The following DGUOK variants were observed in gnomAD, a reference collection of about 807,000 sequenced individuals.
DGUOK encodes the protein deoxyguanosine kinase, also known as deoxyguanosine kinase, mitochondrial.
DGUOK carries 30 observed loss-of-function variants against 36.6 expected under a neutral mutation model. The observed-to-expected ratio is 0.82, with a 90% CI of 0.61 to 1.11. The LOEUF is 1.11. DGUOK is among the 50% of genes most tolerant of loss of function. The pLI is 0.00. For missense variants in DGUOK, 361 were observed against 336.4 expected, an observed-to-expected ratio of 1.07 and a Z score of -0.57; for synonymous variants, 145 against 126.3, an observed-to-expected ratio of 1.15 and a Z score of -0.99.
intron 4 of DGUOK, among the ~76,000 whole-genome samples, chr2:73,952,153 C>T (rs974707728): frequency 2.6e-5 from 4 of 152,094 alleles, no homozygotes; most frequent in Non-Finnish European, 5.9e-5. Flanking sequence ...CAGGTGACAG[C>T]GTGAGAACTT....
intron 4 of DGUOK, among the ~76,000 whole-genome samples, chr2:73,951,083 A>T (rs1342033538): frequency 6.6e-6 from 1 of 152,088 alleles, no homozygotes; most frequent in Non-Finnish European, 1.5e-5. Context: ...GGGTCATCAG[A>T]GTGTGTAGTC....
chr2:73,942,740 ACTAATAGCAGTGAGGGTAGTTTC>A (rs1370557701), intron 2 of DGUOK, among the ~76,000 whole-genome samples: 1 of 152,216 alleles, frequency 6.6e-6, no homozygotes, highest in African/African-American at 2.4e-5. Flanking sequence ...AGCAATATAA[ACTAATAGCAGTGAGGGTAGTTTC>A]CTTATCTTGT....
At chr2:73,940,102 A>G (rs566395061) in intron 2 of DGUOK, among the ~76,000 whole-genome samples, 4 of 152,130 alleles carry the variant, frequency 2.6e-5, no homozygotes, top group Non-Finnish European at 4.4e-5. Context: ...GGGTTTCGCC[A>G]TGTTGGCCAG....
intron 1 of DGUOK, among the ~76,000 whole-genome samples, chr2:73,929,208 A>C (rs116169586): frequency 0.014 from 2,160 of 152,290 alleles, 46 homozygotes; most frequent in African/African-American, 0.047. Flanking sequence ...TCCCAGGCTC[A>C]AGCCATCCTC....
chr2:73,951,827 C>T (rs984317367), intron 4 of DGUOK, among the ~76,000 whole-genome samples: 2 of 152,122 alleles, frequency 1.3e-5, no homozygotes, highest in African/African-American at 2.4e-5. Flanking sequence ...AAAGCTAGAT[C>T]GTACGAGGGA....
chr2:73,934,306 T>A (rs527501075), intron 1 of DGUOK, among the ~76,000 whole-genome samples: 64 of 152,330 alleles, frequency 4.2e-4, no homozygotes, highest in Admixed American at 3.7e-3. Flanking sequence ...AATCAACATG[T>A]TGAAGTAATA....
intron 1 of DGUOK, among the ~76,000 whole-genome samples, chr2:73,930,822 G>T (rs2104864616): frequency 8.4e-6 from 1 of 118,574 alleles, no homozygotes; most frequent in Admixed American, 1.1e-4. Context: ...TTGAGACAGA[G>T]TCTTGCTCTG....
chr2:73,938,604 AT>A (rs1405596129), intron 1 of DGUOK, among the ~76,000 whole-genome samples: 1 of 152,220 alleles, frequency 6.6e-6, no homozygotes, highest in Non-Finnish European at 1.5e-5. Flanking sequence ...TATGGAGCTG[AT>A]TTCATCTACT....
chr2:73,946,873 T>C lies in DGUOK; in HGVS notation c.410T>C (p.Val137Ala). The change falls in exon 3 of 7, where the codon GTA (valine) becomes GCA (alanine). Residue 137 changes from valine to alanine, a missense_variant. Coordinates refer to ENST00000264093, the MANE Select transcript of DGUOK (RefSeq NM_080916.3). Reference protein sequence around the residue: ...PEKLLQARKPVQIFERSVYSD... With the variant: ...PEKLLQARKPAQIFERSVYSD... ...AAACTCTTACAGGCCAGGAAGCCAGTACAGATCTTTGAGAGGTCTGTGTAC... is the reference window on the plus strand; with the variant it reads ...AAACTCTTACAGGCCAGGAAGCCAGCACAGATCTTTGAGAGGTCTGTGTAC... 1 of 1,613,528 alleles carries C rather than the reference T, an allele frequency of 6.2e-7. No individual in the cohort carries two copies. The highest frequency in any genetic ancestry group is 8.5e-7 in the Non-Finnish European group (1 of 1,179,948).
chr2:73,947,777 A>G (rs940299), intron 3 of DGUOK: 96,191 of 152,074 alleles, frequency 0.63, 30,990 homozygotes, highest in Non-Finnish European at 0.69. Context: ...AGTGTGAAAT[A>G]GTGCTTTCAA....
chr2:73,958,798 T>G lies in DGUOK; in HGVS notation c.*62T>G. On this transcript the variant is annotated 3_prime_UTR_variant, in exon 7 of 7. Coordinates refer to ENST00000264093, the MANE Select transcript of DGUOK (RefSeq NM_080916.3). ...CTGACTTTCTGAAGCTAGAAAAATG[T>G]TGTGTCTCCCAACCACCTTTCCATC... 1 of 1,434,712 alleles carries G rather than the reference T, an allele frequency of 7.0e-7. No homozygotes were observed. The highest frequency in any genetic ancestry group is 9.8e-7 in the Non-Finnish European group (1 of 1,015,804). The allele number at this position is 1,434,712 out of a possible 1,614,324, so 88.9% of individuals were successfully genotyped here. A position where few individuals can be genotyped will look rare whatever the true frequency, so the allele number is the denominator to read the frequency against.
chr2:73,928,622 C>T (rs1456408273), intron 1 of DGUOK, among the ~76,000 whole-genome samples: 6 of 151,988 alleles, frequency 3.9e-5, no homozygotes, highest in African/African-American at 1.2e-4. Context: ...TGACTGAAGT[C>T]GAGTGAGCAA....
Position 73,950,241 on chromosome 2 carries a change from A to G in DGUOK, c.444-344A>G, listed in dbSNP as rs187011355. Among the ~76,000 whole-genome samples, 11 of 152,294 alleles carry G rather than the reference A, an allele frequency of 7.2e-5. No homozygotes were observed. The East Asian group carries it at 2.1e-3, about 29-fold the overall frequency. ...AAATCTCAAAAGTTCAAGTTTACAT[A>G]TATTTGCTGTATGTTCTGACTGGTT... On this transcript the variant is annotated intron_variant, in intron 3 of 6. Coordinates refer to ENST00000264093, the MANE Select transcript of DGUOK (RefSeq NM_080916.3).
chr2:73,927,097 A>T (rs374317501), intron 1 of DGUOK, 45 bp downstream of exon 1: 1 of 1,601,654 alleles, frequency 6.2e-7, no homozygotes, highest in Non-Finnish European at 8.5e-7. Context: ...TCCGCCACGC[A>T]GGCGACAGAG....
intron 5 of DGUOK, among the ~76,000 whole-genome samples, chr2:73,957,614 C>T (rs902177065): frequency 9.2e-5 from 14 of 152,190 alleles, no homozygotes; most frequent in African/African-American, 1.9e-4. Flanking sequence ...GCAAAGATTG[C>T]GGTGAGCCGA....
chr2:73,935,799 T>TA (rs1681417730), intron 1 of DGUOK, among the ~76,000 whole-genome samples: 2 of 152,204 alleles, frequency 1.3e-5, no homozygotes, highest in Non-Finnish European at 2.9e-5. Context: ...GGGCATGGGT[T>TA]ACAGAGTACC....
chr2:73,928,019 AG>A (rs1308160971), intron 1 of DGUOK, among the ~76,000 whole-genome samples: 2 of 152,248 alleles, frequency 1.3e-5, no homozygotes, highest in Admixed American at 1.3e-4. Context: ...ATGGAACTCA[AG>A]TAGGGAGAGA....
intron 4 of DGUOK, among the ~76,000 whole-genome samples, chr2:73,951,101 T>C (rs1028465051): frequency 1.3e-5 from 2 of 150,806 alleles, no homozygotes; most frequent in Non-Finnish European, 3.0e-5. Context: ...GTCTCAGTGG[T>C]TTCCTTAGTA....
intron 4 of DGUOK, 64 bp downstream of exon 4, chr2:73,950,796 A>C: frequency 2.5e-6 from 4 of 1,602,670 alleles, no homozygotes; most frequent in Non-Finnish European, 3.4e-6. Context: ...GACATTCTCC[A>C]AGCCCCTGAT....
Sources: allele counts gnomAD v4.1 joint callset (sites outside exome capture counted in the v4.1 genomes callset), GRCh38; gene constraint gnomAD v4.1.1; transcripts MANE v1.5; gene names NCBI Gene and HGNC (gene_info 2026-07-23, HGNC 2026-07-21).